Variants in LRP1B observed in about 807,000 individuals in gnomAD.
LRP1B encodes the protein low-density lipoprotein receptor-related protein 1B.
LRP1B carries 217 observed loss-of-function variants against 556.6 expected under a neutral mutation model. The observed-to-expected ratio is 0.39, with a 90% CI of 0.35 to 0.44. The LOEUF is 0.44. Ranked by LOEUF, LRP1B falls within the 20% of genes least tolerant of loss-of-function variation. LRP1B has a pLI of 1.00. For synonymous variants in LRP1B, 2,047 were observed against 1,865.8 expected, an observed-to-expected ratio of 1.10 and a Z score of -2.50; for missense variants, 5,053 against 5,620.8, an observed-to-expected ratio of 0.90 and a Z score of 3.23.
chr2:140,461,660 C>A (rs571510823), intron 60 of LRP1B, among the ~76,000 whole-genome samples: 1 of 151,900 alleles, frequency 6.6e-6, no homozygotes, highest in East Asian at 1.9e-4. Context: ...CATGGTGAAA[C>A]CCCGTCTCTA....
chr2:141,466,678 G>T (rs750835682), intron 3 of LRP1B, among the ~76,000 whole-genome samples: 3 of 152,016 alleles, frequency 2.0e-5, no homozygotes, highest in Non-Finnish European at 4.4e-5. Context: ...GGCTGCAGTG[G>T]CCATTTTTTG....
At chr2:141,151,141 T>A (rs1157244705) in intron 7 of LRP1B, among the ~76,000 whole-genome samples, 4 of 152,164 alleles carry the variant, frequency 2.6e-5, no homozygotes, top group Non-Finnish European at 4.4e-5. Flanking sequence ...TGCCTTAAAA[T>A]AATGGTTTAT....
chr2:140,671,438 G>A (rs1346332272), intron 41 of LRP1B, among the ~76,000 whole-genome samples: 1 of 152,060 alleles, frequency 6.6e-6, no homozygotes, highest in Non-Finnish European at 1.5e-5. Context: ...GGAGAATGTC[G>A]TGAATCCGAG....
At chr2:140,999,101 A>G (rs143672411) in intron 15 of LRP1B, among the ~76,000 whole-genome samples, 212 of 152,222 alleles carry the variant, frequency 1.4e-3, no homozygotes, top group African/African-American at 4.9e-3. Flanking sequence ...AAAAACCTTT[A>G]CAATTAAATA....
chr2:140,965,071 A>G (rs2105320452), intron 18 of LRP1B, among the ~76,000 whole-genome samples: 1 of 152,306 alleles, frequency 6.6e-6, no homozygotes, highest in African/African-American at 2.4e-5. Context: ...TGCACATGAG[A>G]ATCACGTGAA....
chr2:141,120,475 T>G (rs965565483), intron 7 of LRP1B, among the ~76,000 whole-genome samples: 3 of 151,928 alleles, frequency 2.0e-5, no homozygotes, highest in African/African-American at 7.2e-5. Context: ...AACCTACACA[T>G]AAGGCAATTT....
At chr2:140,884,527 T>C (rs1034384497) in intron 24 of LRP1B, among the ~76,000 whole-genome samples, 4 of 152,120 alleles carry the variant, frequency 2.6e-5, no homozygotes, top group Non-Finnish European at 5.9e-5. Context: ...GCTACTACTA[T>C]ATTTAACCTT....
chr2:140,715,840 CATT>C, intron 37 of LRP1B, 130 bp downstream of exon 37: 1 of 638,470 alleles, frequency 1.6e-6, no homozygotes, highest in East Asian at 2.9e-5. Flanking sequence ...TGAATATAAA[CATT>C]TTTTTCTGCT....
chr2:141,651,722 T>C (rs930767837), intron 2 of LRP1B, among the ~76,000 whole-genome samples: 1 of 152,198 alleles, frequency 6.6e-6, no homozygotes, highest in East Asian at 1.9e-4. Context: ...TTATTGCTTA[T>C]CTGAAATTCA....
At chr2:140,863,712 C>T (rs1199423700) in intron 27 of LRP1B, among the ~76,000 whole-genome samples, 2 of 152,162 alleles carry the variant, frequency 1.3e-5, no homozygotes, top group Admixed American at 6.5e-5. Flanking sequence ...AAGAATTAAA[C>T]TTAGCTAATC....
At chr2:141,122,320 C>G (rs1206760273) in intron 7 of LRP1B, among the ~76,000 whole-genome samples, 1 of 151,370 alleles carries the variant, frequency 6.6e-6, no homozygotes, top group African/African-American at 2.4e-5. Flanking sequence ...AGGCAACCTA[C>G]AGAATGGGAG....
At chr2:141,792,708 C>G (rs1695656991) in intron 2 of LRP1B, among the ~76,000 whole-genome samples, 1 of 151,972 alleles carries the variant, frequency 6.6e-6, no homozygotes, top group African/African-American at 2.4e-5. Context: ...TGAGGTCCAT[C>G]CTATGACACA....
intron 3 of LRP1B, among the ~76,000 whole-genome samples, chr2:141,326,708 A>G (rs1278980220): frequency 1.3e-5 from 2 of 152,156 alleles, no homozygotes; most frequent in Non-Finnish European, 2.9e-5. Flanking sequence ...CCTACAACGT[A>G]CAAGGAAGTC....
intron 82 of LRP1B, among the ~76,000 whole-genome samples, chr2:140,319,167 T>TATG (rs1679943229): frequency 6.6e-6 from 1 of 152,062 alleles, no homozygotes; most frequent in South Asian, 2.1e-4. Context: ...GGAGGAGGAT[T>TATG]ATGTAGAAGA....
At chr2:141,646,887 C>T (rs956298209) in intron 2 of LRP1B, among the ~76,000 whole-genome samples, 2 of 152,138 alleles carry the variant, frequency 1.3e-5, no homozygotes, top group African/African-American at 4.8e-5. Context: ...AGACTAGAGT[C>T]AGTCAAGGGG....
At chr2:141,209,777 G>A (rs1250030479) in intron 6 of LRP1B, among the ~76,000 whole-genome samples, 4 of 152,266 alleles carry the variant, frequency 2.6e-5, no homozygotes, top group Admixed American at 2.6e-4. Context: ...AAAGTTAAGG[G>A]AAGAGACAAA....
rs530308491 is a variant in LRP1B, at chr2:141,923,596, T to A, written c.83-113195A>T. On this transcript the variant is annotated intron_variant, in intron 1 of 90. Coordinates refer to ENST00000389484, the MANE Select transcript of LRP1B (RefSeq NM_018557.3). ...TTCCAGTTGCCCTATATGGTAATGT[T>A]ACCCTGAATTTACAGTAACTTGAGA... Among the ~76,000 whole-genome samples, 8 of 150,976 alleles carry A rather than the reference T, an allele frequency of 5.3e-5. No homozygotes were observed. The South Asian group carries it at 1.7e-3, about 32-fold the overall frequency.
chr2:140,800,268 G>A (rs1174465531), intron 32 of LRP1B, among the ~76,000 whole-genome samples: 3 of 152,050 alleles, frequency 2.0e-5, no homozygotes, highest in Admixed American at 1.3e-4. Flanking sequence ...GGAGCGGGGA[G>A]GGAAAGCATT....
intron 21 of LRP1B, among the ~76,000 whole-genome samples, chr2:140,913,282 C>T (rs930880525): frequency 6.6e-6 from 1 of 151,718 alleles, no homozygotes; most frequent in Non-Finnish European, 1.5e-5. Flanking sequence ...AATTCCTGAC[C>T]TTGTGGAGCA....
Sources: gnomAD v4.1 joint callset for allele counts (sites outside exome capture counted in the v4.1 genomes callset) on GRCh38, gnomAD v4.1.1 for gene constraint, MANE v1.5 for transcripts, NCBI Gene and HGNC (gene_info 2026-07-23, HGNC 2026-07-21) for gene names.